Variants in PTPN4 observed in about 807,000 individuals in gnomAD.
The protein encoded by PTPN4 is tyrosine-protein phosphatase non-receptor type 4.
In PTPN4, 49 loss-of-function variants were observed where a neutral mutation model predicts 135.5. That is an observed-to-expected ratio of 0.36 (90% CI 0.29 to 0.46). PTPN4 has a LOEUF of 0.46. PTPN4 is among the 20% of genes least tolerant of loss of function. PTPN4 has a pLI of 1.00. For missense variants in PTPN4, 860 were observed against 1,101.0 expected (o/e 0.78, Z 3.10); for synonymous variants, 333 against 369.9 (o/e 0.90, Z 1.14).
chr2:119,822,154 C>A (rs1183610063), intron 2 of PTPN4, among the ~76,000 whole-genome samples: 2 of 152,058 alleles, frequency 1.3e-5, no homozygotes, highest in African/African-American at 4.8e-5. Flanking sequence ...ACAACTGTTC[C>A]CTACATGGAT....
In PTPN4 at chr2:119,845,060, G is replaced by C. The variant is rs1009157286; in HGVS notation, c.139-17476G>C. Reference sequence around the variant, plus strand: ...GCGGTTAGGGGCTGGAGACCGGCCCGGCCAACACAGCGAAACCCCGTCTCC... The same window carrying C: ...GCGGTTAGGGGCTGGAGACCGGCCCCGCCAACACAGCGAAACCCCGTCTCC... On this transcript the variant is annotated intron_variant, in intron 2 of 26. Coordinates refer to ENST00000263708, the MANE Select transcript of PTPN4 (RefSeq NM_002830.4). Among the ~76,000 whole-genome samples the C allele has an allele frequency of 6.4e-4, 95 of 149,466 alleles. 1 individual carries two copies. The highest frequency in any genetic ancestry group is 2.0e-3 in the African/African-American group (82 of 40,572).
intron 2 of PTPN4, among the ~76,000 whole-genome samples, chr2:119,835,400 G>A (rs1677276476): frequency 6.6e-6 from 1 of 152,198 alleles, no homozygotes; most frequent in South Asian, 2.1e-4. Flanking sequence ...GGCCAGGGTG[G>A]TCTTGAACTC....
At chr2:119,825,965 T>A (rs1677140919) in intron 2 of PTPN4, among the ~76,000 whole-genome samples, 1 of 152,246 alleles carries the variant, frequency 6.6e-6, no homozygotes, top group Non-Finnish European at 1.5e-5. Context: ...GCTGTTTTTC[T>A]TATCTTTTGT....
At chr2:119,974,085 T>A (rs138217839) in intron 26 of PTPN4, among the ~76,000 whole-genome samples, 5 of 152,352 alleles carry the variant, frequency 3.3e-5, no homozygotes, top group Admixed American at 6.5e-5. Context: ...GCTTTCAATA[T>A]AATGAATCAT....
chr2:119,847,305 C>CACAT (rs1677516591), intron 2 of PTPN4, among the ~76,000 whole-genome samples: 7 of 99,340 alleles, frequency 7.0e-5, no homozygotes, highest in Non-Finnish European at 1.0e-4. Context: ...CACACACACA[C>CACAT]ACACACACAC....
intron 5 of PTPN4, among the ~76,000 whole-genome samples, chr2:119,880,977 T>G (rs1465509039): frequency 6.6e-6 from 1 of 152,266 alleles, no homozygotes; most frequent in Middle Eastern, 3.4e-3. Flanking sequence ...TTTTTTAGTT[T>G]AGTGAAATAA....
intron 12 of PTPN4, among the ~76,000 whole-genome samples, chr2:119,925,897 CT>C (rs1678817297): frequency 6.6e-6 from 1 of 152,122 alleles, no homozygotes; most frequent in Admixed American, 6.5e-5. Flanking sequence ...TTACCTCCCT[CT>C]TAGAGGAAAT....
intron 2 of PTPN4, among the ~76,000 whole-genome samples, chr2:119,814,942 C>T (rs1280730611): frequency 1.3e-5 from 2 of 151,958 alleles, no homozygotes. Flanking sequence ...TTTTGAAATC[C>T]TTTTTTTCTA....
Position 119,934,802 on chromosome 2 carries a change from G to A in PTPN4, c.1199G>A (p.Arg400Gln), listed in dbSNP as rs1186373089. The change falls in exon 15 of 27, where the codon CGA becomes CAA. Residue 400 changes from arginine (R) to glutamine (Q), a missense_variant and splice_region_variant. Arg to Gln is a conservative substitution (Grantham distance 43). Around this residue, in one of 2 missense-constraint regions of PTPN4, gnomAD observed 684 missense variants for 807.0 expected, o/e 0.85. Transcript: ENST00000263708. ...AGTTTTTCTCCCTCTTTATTTAGTC[G>A]AAATTCTACATTCACGCAGGAAGGA... ...SRSPPGTPNH[R>Q]NSTFTQEGTR... 11 of 1,613,082 alleles carry A rather than the reference G, an allele frequency of 6.8e-6. No homozygotes were observed. The highest frequency in any genetic ancestry group is 2.7e-5 in the African/African-American group (2 of 74,818).
At chr2:119,829,508 C>G (rs1381124023) in intron 2 of PTPN4, among the ~76,000 whole-genome samples, 1 of 152,172 alleles carries the variant, frequency 6.6e-6, no homozygotes, top group Non-Finnish European at 1.5e-5. Flanking sequence ...CTCCTGTTAA[C>G]CTCGAATCTT....
intron 1 of PTPN4, among the ~76,000 whole-genome samples, chr2:119,769,628 A>G (rs1216226806): frequency 6.6e-6 from 1 of 152,246 alleles, no homozygotes; most frequent in Non-Finnish European, 1.5e-5. Flanking sequence ...TTTGCCATAG[A>G]GGTAAAAGAT....
intron 3 of PTPN4, among the ~76,000 whole-genome samples, chr2:119,875,579 AAAG>A (rs1677972285): frequency 6.6e-6 from 1 of 152,178 alleles, no homozygotes. Context: ...ATGATTGAGG[AAAG>A]AAGTTTATTA....
At chr2:119,885,634 A>T (rs1305982302) in intron 8 of PTPN4, among the ~76,000 whole-genome samples, 161 bp from the exon 9 acceptor site, 1 of 152,200 alleles carries the variant, frequency 6.6e-6, no homozygotes, top group African/African-American at 2.4e-5. Flanking sequence ...GGGTTACTGA[A>T]AATGTGCCCT....
intron 2 of PTPN4, among the ~76,000 whole-genome samples, chr2:119,813,641 T>G (rs1334692401): frequency 6.6e-6 from 1 of 152,202 alleles, no homozygotes; most frequent in Non-Finnish European, 1.5e-5. Flanking sequence ...CCATGTAATG[T>G]TACTTTTTCC....
chr2:119,976,826 C>T lies in PTPN4; in HGVS notation c.2695-158C>T, dbSNP rs1679624785. The T allele has an allele frequency of 1.9e-5, 24 of 1,260,126 alleles. 2 individuals carry two copies. In the South Asian group the frequency reaches 4.6e-4, roughly 24 times the overall value. The allele number at this position is 1,260,126 out of a possible 1,614,324, so 78.1% of individuals were successfully genotyped here. ...TATATTGCCAAACTGTATTTTTTAA[C>T]CAGTCTAGACTGTTAGTGAAAAATG... On this transcript the variant is annotated intron_variant, in intron 26 of 26. Transcript: ENST00000263708.
In PTPN4 at chr2:119,843,218, C is replaced by CTTT. The variant is rs779045976; in HGVS notation, c.139-19300_139-19298dup. ...CTGCCAAGAATTGGTATGCATTTTT[C>CTTT]TTTTTTTTTTTTTTTTTTTTGCACC... is the stretch of plus-strand genomic sequence containing the variant. On this transcript the variant is annotated intron_variant, in intron 2 of 26. Transcript: ENST00000263708. Among the ~76,000 whole-genome samples, 60 of 107,286 alleles carry CTTT rather than the reference C, an allele frequency of 5.6e-4. 1 individual carries two copies. Among genetic ancestry groups the CTTT allele is most frequent in the African/African-American group, 1.7e-3 (47 of 27,624 alleles). The allele number at this position is 107,286 out of a possible 152,430, so 70.4% of individuals were successfully genotyped here.
intron 1 of PTPN4, among the ~76,000 whole-genome samples, chr2:119,762,384 CTG>C (rs1481125618): frequency 3.3e-5 from 5 of 151,528 alleles, no homozygotes; most frequent in Admixed American, 6.6e-5. Context: ...TGTTATTAAA[CTG>C]TGATTTGTAT....
chr2:119,870,067 T>C (rs1486712536), intron 3 of PTPN4, among the ~76,000 whole-genome samples: 1 of 152,188 alleles, frequency 6.6e-6, no homozygotes, highest in Admixed American at 6.5e-5. Context: ...TTAGGGTATG[T>C]TTGTTGGGGG....
intron 23 of PTPN4, among the ~76,000 whole-genome samples, chr2:119,962,030 G>A (rs968368968): frequency 2.0e-5 from 3 of 152,180 alleles, no homozygotes; most frequent in African/African-American, 7.2e-5. Context: ...TACATTAAAC[G>A]AGTGAACGGT....
Sources: allele counts gnomAD v4.1 joint callset (sites outside exome capture counted in the v4.1 genomes callset), GRCh38; gene constraint gnomAD v4.1.1; regional missense constraint gnomAD v4.1.1; transcripts MANE v1.5; gene names NCBI Gene and HGNC (gene_info 2026-07-23, HGNC 2026-07-21).